The following FANCM variants were observed in gnomAD, a reference collection of about 807,000 sequenced individuals.
FANCM encodes FA complementation group M.
FANCM carries 140 observed loss-of-function variants against 199.5 expected under a neutral mutation model. The observed-to-expected ratio is 0.70, with a 90% CI of 0.61 to 0.81. The LOEUF is 0.81. Ranked by LOEUF, FANCM falls within the 30% of genes least tolerant of loss-of-function variation. FANCM has a pLI of 0.00. For missense variants in FANCM, 2,410 were observed against 2,421.4 expected (o/e 1.00, Z 0.10); for synonymous variants, 840 against 836.8 (o/e 1.00, Z -0.07).
chr14:45,181,803 C>T (rs1455968792), intron 16 of FANCM, 98 bp downstream of exon 16: 1 of 760,656 alleles, frequency 1.3e-6, no homozygotes, highest in Non-Finnish European at 2.2e-6. Flanking sequence ...ATTTTTAATC[C>T]TTAGTAGAAA....
intron 14 of FANCM, among the ~76,000 whole-genome samples, chr14:45,180,592 C>T (rs1014944019): frequency 4.6e-5 from 7 of 152,102 alleles, no homozygotes; most frequent in Non-Finnish European, 7.4e-5. Context: ...CACGTGCCAC[C>T]ACACCCAGCT....
At chr14:45,173,547 C>T (rs1888479164) in intron 13 of FANCM, among the ~76,000 whole-genome samples, 1 of 152,086 alleles carries the variant, frequency 6.6e-6, no homozygotes, top group Non-Finnish European at 1.5e-5. Flanking sequence ...TTTCTTGTAT[C>T]CTGGTCCTAG....
intron 5 of FANCM, 69 bp from the exon 6 acceptor site, chr14:45,153,851 C>A: frequency 8.1e-7 from 1 of 1,234,312 alleles, no homozygotes; most frequent in Non-Finnish European, 1.2e-6. Flanking sequence ...TATGGCCTGA[C>A]AACTTGGGCA....
At position 45,175,932 on chromosome 14, in the gene FANCM, C is replaced by T. The variant is rs1888656623; in HGVS notation, c.3178C>T (p.Pro1060Ser). 3 of 1,612,520 alleles carry T rather than the reference C, an allele frequency of 1.9e-6. No individual in the cohort carries two copies. The East Asian group carries it at 6.7e-5, about 36-fold the overall frequency. The change falls in exon 14 of 23, where the codon CCA (proline) becomes TCA (serine). Residue 1060 changes from proline to serine, a missense_variant. By Grantham distance (74) the Pro-to-Ser change is moderately conservative. Coordinates refer to ENST00000267430, the MANE Select transcript of FANCM (RefSeq NM_020937.4). ...GAATTCACTTAAATGTATAAATTATCCATCTGAAAAAAGTTGCCTTTATGA... is the reference window on the plus strand; with the variant it reads ...GAATTCACTTAAATGTATAAATTATTCATCTGAAAAAAGTTGCCTTTATGA... Reference protein sequence around the residue: ...ELNSLKCINYPSEKSCLYDIP... With the variant: ...ELNSLKCINYSSEKSCLYDIP...
At chr14:45,197,582 A>G (rs1207201419) in intron 21 of FANCM, among the ~76,000 whole-genome samples, 5 of 150,598 alleles carry the variant, frequency 3.3e-5, no homozygotes, top group African/African-American at 1.2e-4. Context: ...CTCCTGCCTC[A>G]GCTTCCTGAG....
intron 11 of FANCM, among the ~76,000 whole-genome samples, chr14:45,170,233 T>G (rs915679823): frequency 1.3e-5 from 2 of 152,188 alleles, no homozygotes; most frequent in African/African-American, 4.8e-5. Context: ...TTTAGAAGCA[T>G]GAAGTAATAA....
intron 21 of FANCM, among the ~76,000 whole-genome samples, chr14:45,197,591 A>T (rs556066650): frequency 1.3e-5 from 2 of 150,848 alleles, no homozygotes; most frequent in African/African-American, 4.9e-5. Context: ...CAGCTTCCTG[A>T]GTAGCTGGGA....
intron 3 of FANCM, among the ~76,000 whole-genome samples, chr14:45,145,327 C>T (rs1171201595): frequency 6.6e-6 from 1 of 151,966 alleles, no homozygotes; most frequent in Non-Finnish European, 1.5e-5. Flanking sequence ...CTTTAACTGT[C>T]CCACCTGGTG....
intron 14 of FANCM, among the ~76,000 whole-genome samples, chr14:45,178,166 G>A (rs1473958353): frequency 3.9e-5 from 6 of 152,170 alleles, no homozygotes; most frequent in South Asian, 2.1e-4. Flanking sequence ...GACATGGTTC[G>A]TGAATGTTCT....
At position 45,200,514 on chromosome 14, in the gene FANCM, A is replaced by G. The variant is rs1594488962; in HGVS notation, c.*506A>G. 6.5e-6 allele frequency: 1 copy of G among 153,308 alleles called. No homozygotes were observed. The highest frequency in any genetic ancestry group is 1.9e-4 in the East Asian group (1 of 5,242). The allele number at this position is 153,308 out of a possible 1,614,324, so 9.5% of individuals were successfully genotyped here. A position where few individuals can be genotyped will look rare whatever the true frequency, so the allele number is the denominator to read the frequency against. ...CTAGGAAAGTAGAAAACTTAACTGA[A>G]TGTTTATCTGACCAAAGGTGTGTCC... On this transcript the variant is annotated 3_prime_UTR_variant, in exon 23 of 23. Transcript: ENST00000267430.
rs1348903394 is a variant in FANCM at position 45,136,252 on chromosome 14, G to T, written c.221G>T (p.Gly74Val). The T allele has an allele frequency of 1.9e-6, 3 of 1,614,146 alleles. No homozygotes were observed. The South Asian group carries it at 3.3e-5, about 18-fold the overall frequency. ...AERQLCLENG[G>V]FCTSAGALWI... ...CGGCAGTTGTGTCTAGAGAATGGCG[G>T]GTTCTGCACCTCCGCGGGCGCCCTG... is the stretch of plus-strand genomic sequence containing the variant. Residue 74 changes from glycine (G) to valine (V), a missense_variant, in exon 1 of 23, where the codon GGG (glycine) becomes GTG (valine). Physicochemically the swap from Gly to Val is moderately radical, Grantham distance 109 (BLOSUM62 -3). Transcript: ENST00000267430.
Position 45,179,148 on chromosome 14 carries a change from G to A in FANCM, c.4222+2172G>A, listed in dbSNP as rs1056882192. Among the ~76,000 whole-genome samples, 35 of 152,200 alleles carry A rather than the reference G, an allele frequency of 2.3e-4. 1 individual carries two copies. Among genetic ancestry groups the A allele is most frequent in the African/African-American group, 6.3e-4 (26 of 41,554 alleles). ...TGGGAGGCAGAGGTTCCAGTGAGCC[G>A]AGATCGCGCCACTGTACTCCAGCCT... On this transcript the variant is annotated intron_variant, in intron 14 of 22. Transcript: ENST00000267430.
In FANCM at chr14:45,135,988, C is replaced by A; in HGVS notation, c.-44C>A. On this transcript the variant is annotated 5_prime_UTR_variant, in exon 1 of 23. In the 5' UTR this introduces an upstream ATG that the reference lacks. Transcript: ENST00000267430. ...CGGAACCGTAGCGGTTGAGCTGCTG[C>A]TGCTACGGATATCTGACAGAAGCCT... The A allele has an allele frequency of 6.2e-7, 1 of 1,608,720 alleles. No individual in the cohort carries two copies. Among genetic ancestry groups the A allele is most frequent in the Non-Finnish European group, 8.5e-7 (1 of 1,177,224 alleles).
chr14:45,184,578 C>G (rs1594809478), intron 17 of FANCM, among the ~76,000 whole-genome samples: 1 of 150,058 alleles, frequency 6.7e-6, no homozygotes, highest in South Asian at 2.1e-4. Flanking sequence ...AGGAAAATCT[C>G]TTGAACCAGG....
chr14:45,160,362 G>C (rs1257129748), intron 9 of FANCM, among the ~76,000 whole-genome samples: 1 of 144,174 alleles, frequency 6.9e-6, no homozygotes, highest in Non-Finnish European at 1.5e-5. Context: ...TCTCTCTGTC[G>C]CCCAGGGTGG....
chr14:45,190,444 T>G (rs1314218857), intron 20 of FANCM, among the ~76,000 whole-genome samples: 1 of 152,200 alleles, frequency 6.6e-6, no homozygotes, highest in Non-Finnish European at 1.5e-5. Flanking sequence ...CAAATACTTA[T>G]TTTTTGGTTG....
intron 5 of FANCM, among the ~76,000 whole-genome samples, chr14:45,152,211 G>A (rs1258739186): frequency 6.6e-6 from 1 of 151,848 alleles, no homozygotes; most frequent in African/African-American, 2.4e-5. Context: ...GTATTTTTTA[G>A]TAGAGAGAGG....
rs1594750831 is a variant in FANCM at position 45,136,357 on chromosome 14, T to C, written c.326T>C (p.Val109Ala). The C allele has an allele frequency of 6.2e-7, 1 of 1,614,156 alleles. No individual in the cohort carries two copies. The highest frequency in any genetic ancestry group is 1.1e-5 in the South Asian group (1 of 91,084). The change falls in exon 1 of 23, where the codon GTG (valine) becomes GCG (alanine). Residue 109 changes from valine (V) to alanine (A), a missense_variant. Physicochemically the swap from Val to Ala is moderately conservative, Grantham distance 64. Coordinates refer to ENST00000267430, the MANE Select transcript of FANCM (RefSeq NM_020937.4). ...GCTGCTCTGTTTTGCAATACGCTGG[T>C]GTGTCTGCCTACCGGACTGGGAAAG... ...SRAALFCNTL[V>A]CLPTGLGKTF...
chr14:45,194,648 G>A (rs754923505), intron 20 of FANCM, among the ~76,000 whole-genome samples: 29 of 152,000 alleles, frequency 1.9e-4, no homozygotes, highest in Non-Finnish European at 2.4e-4. Context: ...ATATTGATGC[G>A]TATGTAGGTT....
Sources: allele counts gnomAD v4.1 joint callset (sites outside exome capture counted in the v4.1 genomes callset), GRCh38; gene constraint gnomAD v4.1.1; transcripts MANE v1.5; gene names NCBI Gene and HGNC (gene_info 2026-07-23, HGNC 2026-07-21).